The following CCSER1 variants were observed in gnomAD, a reference collection of about 807,000 sequenced individuals.
The protein encoded by CCSER1 is coiled-coil serine rich protein 1, also known as serine-rich coiled-coil domain-containing protein 1.
In CCSER1, 41 loss-of-function variants were observed where a neutral mutation model predicts 82.0. The ratio of observed to expected loss-of-function variants is 0.50; its 90% confidence interval spans 0.39 to 0.65. CCSER1 has a LOEUF of 0.65. Ranked by LOEUF, CCSER1 falls within the 30% of genes least tolerant of loss-of-function variation. CCSER1 has a pLI of 0.00. For missense variants in CCSER1, 1,119 were observed against 1,064.2 expected (o/e 1.05, Z -0.72); for synonymous variants, 414 against 383.9 (o/e 1.08, Z -0.92).
At chr4:90,892,420 C>T (rs1254707796) in intron 8 of CCSER1, among the ~76,000 whole-genome samples, 1 of 151,924 alleles carries the variant, frequency 6.6e-6, no homozygotes, top group Non-Finnish European at 1.5e-5. Flanking sequence ...GCCTGCTTTT[C>T]AGAAATTAGC....
chr4:90,736,563 C>T (rs1745678460), intron 7 of CCSER1, among the ~76,000 whole-genome samples: 1 of 151,942 alleles, frequency 6.6e-6, no homozygotes, highest in African/African-American at 2.4e-5. Context: ...TATCTTTTTC[C>T]ATCCCTTTAT....
intron 3 of CCSER1, among the ~76,000 whole-genome samples, chr4:90,323,564 T>C (rs566114991): frequency 6.6e-6 from 1 of 152,256 alleles, no homozygotes; most frequent in Non-Finnish European, 1.5e-5. Context: ...CACAATCACT[T>C]CACTCTCCCT....
intron 4 of CCSER1, among the ~76,000 whole-genome samples, chr4:90,425,180 C>T (rs1050359887): frequency 6.6e-6 from 1 of 151,962 alleles, no homozygotes; most frequent in South Asian, 2.1e-4. Context: ...ATCTTTTAAC[C>T]CACTCTATAA....
In CCSER1 at chr4:91,037,308, G is replaced by A. The variant is rs138993686; in HGVS notation, c.2173-48642G>A. Among the ~76,000 whole-genome samples the A allele has an allele frequency of 3.1e-3, 464 of 151,460 alleles. 1 individual carries two copies. The highest frequency in any genetic ancestry group is 0.011 in the African/African-American group (448 of 41,276). The stretch of plus-strand genomic sequence containing the variant: ...TAGATGCTCCTTAGCTTAGAGTCAG[G>A]CTTCTGGCCCCACCTGGGATCTGTG... On this transcript the variant is annotated intron_variant, in intron 9 of 10. Transcript: ENST00000509176.
chr4:90,151,867 G>A (rs1490440640), intron 1 of CCSER1, among the ~76,000 whole-genome samples: 9 of 152,040 alleles, frequency 5.9e-5, no homozygotes, highest in Non-Finnish European at 1.3e-4. Context: ...GCATTAAAGG[G>A]CTTGCAGTCT....
At chr4:91,370,998 AT>A (rs1750002482) in intron 10 of CCSER1, among the ~76,000 whole-genome samples, 1 of 151,866 alleles carries the variant, frequency 6.6e-6, no homozygotes. Flanking sequence ...AGTAGCTGGG[AT>A]TACAGGTGCA....
intron 10 of CCSER1, among the ~76,000 whole-genome samples, chr4:91,561,768 TCTG>T (rs1762661756): frequency 6.6e-6 from 1 of 151,456 alleles, no homozygotes; most frequent in Non-Finnish European, 1.5e-5. Context: ...GAAAGCTGTT[TCTG>T]CTGCTGAATT....
chr4:91,457,456 G>A (rs1756245691), intron 10 of CCSER1, among the ~76,000 whole-genome samples: 1 of 151,982 alleles, frequency 6.6e-6, no homozygotes, highest in South Asian at 2.1e-4. Context: ...ACTTGAGCCA[G>A]GAATTTGAGA....
intron 10 of CCSER1, among the ~76,000 whole-genome samples, chr4:91,462,499 TGGACAGTGGGTGAA>T (rs1398961600): frequency 6.6e-6 from 1 of 151,978 alleles, no homozygotes; most frequent in Non-Finnish European, 1.5e-5. Context: ...TGGGGTTTGT[TGGACAGTGGGTGAA>T]GGACAGTGGG....
chr4:91,234,724 C>T (rs1738873696), intron 10 of CCSER1, among the ~76,000 whole-genome samples: 1 of 152,062 alleles, frequency 6.6e-6, no homozygotes, highest in Non-Finnish European at 1.5e-5. Flanking sequence ...AATCTTTCTT[C>T]TACTATTCTT....
rs1310695961 is a variant in CCSER1 at position 90,848,486 on chromosome 4, G to C, written c.2094+32641G>C. 6.6e-5 allele frequency among the ~76,000 whole-genome samples: 10 copies of C among 152,040 alleles called. No individual in the cohort carries two copies. In the South Asian group the frequency reaches 1.2e-3, roughly 19 times the overall value. ...TGAATGAAGTCTTTTTTTTCTCCAA[G>C]TCTGACAGTGCCTCAAACATTCTAA... On this transcript the variant is annotated intron_variant, in intron 8 of 10. Coordinates refer to ENST00000509176, the MANE Select transcript of CCSER1 (RefSeq NM_001145065.2).
At chr4:90,606,506 C>T (rs1188523292) in intron 5 of CCSER1, among the ~76,000 whole-genome samples, 1 of 152,098 alleles carries the variant, frequency 6.6e-6, no homozygotes, top group Non-Finnish European at 1.5e-5. Context: ...CCATTATTGA[C>T]CAAAATGTCA....
chr4:90,701,305 AT>A (rs1738068021), intron 6 of CCSER1, among the ~76,000 whole-genome samples: 1 of 151,954 alleles, frequency 6.6e-6, no homozygotes, highest in Non-Finnish European at 1.5e-5. Flanking sequence ...GATGTGTGGT[AT>A]TATTTCTGAG....
At chr4:90,863,266 G>A (rs1765320311) in intron 8 of CCSER1, among the ~76,000 whole-genome samples, 1 of 151,766 alleles carries the variant, frequency 6.6e-6, no homozygotes, top group Admixed American at 6.6e-5. Flanking sequence ...ATTACCTGAT[G>A]TAACATTTTT....
intron 10 of CCSER1, among the ~76,000 whole-genome samples, chr4:91,508,453 A>G (rs1343705889): frequency 2.0e-5 from 3 of 151,396 alleles, no homozygotes; most frequent in Admixed American, 6.6e-5. Flanking sequence ...GGGAAATCCC[A>G]CCTGTTCCTG....
At chr4:90,705,297 G>C (rs1033382462) in intron 6 of CCSER1, among the ~76,000 whole-genome samples, 2 of 152,198 alleles carry the variant, frequency 1.3e-5, no homozygotes, top group African/African-American at 4.8e-5. Flanking sequence ...AAATATTGCT[G>C]AACAGCAAAT....
rs561754187 is a variant in CCSER1, at chr4:90,506,765, C to CAA, written c.1724+38424_1724+38425dup. Reference sequence around the variant, plus strand: ...GGATGACAGAGTGAGACTCCGTGTCCAAAAAAAAAAAAAATAAATAAATAA... The same window carrying CAA: ...GGATGACAGAGTGAGACTCCGTGTCCAAAAAAAAAAAAAAAATAAATAAATAA... On this transcript the variant is annotated intron_variant, in intron 5 of 10. Coordinates refer to ENST00000509176, the MANE Select transcript of CCSER1 (RefSeq NM_001145065.2). Among the ~76,000 whole-genome samples the CAA allele has an allele frequency of 2.1e-3, 245 of 114,234 alleles. 1 individual carries two copies. Among genetic ancestry groups the CAA allele is most frequent in the African/African-American group, 6.6e-3 (210 of 31,728 alleles). 74.9% of individuals were successfully genotyped at this position (114,234 alleles called of 152,430 possible). A position where few individuals can be genotyped will look rare whatever the true frequency, so the allele number is the denominator to read the frequency against.
intron 6 of CCSER1, among the ~76,000 whole-genome samples, chr4:90,668,786 A>G (rs1269722553): frequency 6.6e-6 from 1 of 152,102 alleles, no homozygotes; most frequent in Non-Finnish European, 1.5e-5. Flanking sequence ...GAAAATTAAT[A>G]CTATCACTTT....
At chr4:90,361,513 T>G (rs889151527) in intron 3 of CCSER1, among the ~76,000 whole-genome samples, 1 of 152,214 alleles carries the variant, frequency 6.6e-6, no homozygotes, top group African/African-American at 2.4e-5. Flanking sequence ...ATTTTAAGTT[T>G]TATTTTGGGT....
Sources: gnomAD v4.1 joint callset for allele counts (sites outside exome capture counted in the v4.1 genomes callset) on GRCh38, gnomAD v4.1.1 for gene constraint, MANE v1.5 for transcripts, NCBI Gene and HGNC (gene_info 2026-07-23, HGNC 2026-07-21) for gene names.